The following DMD variants were observed in gnomAD, a reference collection of about 807,000 sequenced individuals.
DMD encodes the protein mutant dystrophin.
Under a neutral mutation model 330.1 loss-of-function variants are expected in DMD, and 63 were observed. The observed-to-expected ratio is 0.19, with a 90% CI of 0.16 to 0.24. The LOEUF (loss-of-function observed/expected upper bound fraction) is 0.24. Among genes scored for constraint, DMD ranks in the 10% least tolerant of loss-of-function variants. The pLI is 1.00. For synonymous variants in DMD, 1,223 were observed against 959.8 expected (o/e 1.27, Z -5.07); for missense variants, 3,344 against 2,684.1 (o/e 1.25, Z -5.43).
chrX:32,780,823 A>C (rs924948598), intron 7 of DMD, among the ~76,000 whole-genome samples: 2 of 110,604 alleles, frequency 1.8e-5, no homozygotes, highest in African/African-American at 6.6e-5. Context: ...CATTTGTTGT[A>C]CATTAAAAAA....
In DMD at chrX:32,613,626, TA is replaced by T. The variant is rs200311441; in HGVS notation, c.1482+676del. On this transcript the variant is annotated intron_variant, in intron 12 of 78. Transcript: ENST00000357033. ...CTATAAATTGAATGTAAAATTACAT[TA>T]AAAAAAATCGTAGCCTTATTATTTA... is the stretch of plus-strand genomic sequence containing the variant. Among the ~76,000 whole-genome samples the T allele has an allele frequency of 1.0e-4, 11 of 110,253 alleles. No homozygotes were observed. In the South Asian group the frequency reaches 1.9e-3, roughly 19 times the overall value.
intron 7 of DMD, among the ~76,000 whole-genome samples, chrX:32,805,766 G>C (rs76575678): frequency 1.8e-5 from 2 of 112,050 alleles, no homozygotes; most frequent in Admixed American, 1.9e-4. Flanking sequence ...AGCCAGAAGA[G>C]AGTAGGGGCC....
In DMD at chrX:31,368,714, C is replaced by T. The variant is rs367856345; in HGVS notation, c.9085-20080G>A. ...AGGCTGGAGTGCAGTGGTGCAATCTCGGCTCAGTGCAGCCTCTGCCTCCCG... is the reference window on the plus strand; with the variant it reads ...AGGCTGGAGTGCAGTGGTGCAATCTTGGCTCAGTGCAGCCTCTGCCTCCCG... On this transcript the variant is annotated intron_variant, in intron 60 of 78. Coordinates refer to ENST00000357033, the MANE Select transcript of DMD (RefSeq NM_004006.3). Among the ~76,000 whole-genome samples the T allele has an allele frequency of 4.5e-3, 493 of 109,728 alleles. 3 individuals are homozygous for T. The highest frequency in any genetic ancestry group is 0.016 in the African/African-American group (476 of 30,157).
At chrX:32,961,875 C>T (rs1046299537) in intron 2 of DMD, among the ~76,000 whole-genome samples, 24 of 111,718 alleles carry the variant, frequency 2.1e-4, no homozygotes, top group African/African-American at 6.8e-4. Flanking sequence ...ATTATACTTG[C>T]GTTAAGTTCT....
At chrX:31,752,747 C>T (rs1257230023) in intron 51 of DMD, among the ~76,000 whole-genome samples, 3 of 111,154 alleles carry the variant, frequency 2.7e-5, no homozygotes, top group Non-Finnish European at 5.7e-5. Context: ...TTCTGGGATG[C>T]AGAAAAACCA....
intron 30 of DMD, among the ~76,000 whole-genome samples, chrX:32,396,967 T>C (rs764626535): frequency 1.1e-4 from 12 of 111,700 alleles, no homozygotes; most frequent in South Asian, 3.7e-4. Flanking sequence ...AATAGAAAAG[T>C]AACTTGTACA....
intron 7 of DMD, among the ~76,000 whole-genome samples, chrX:32,723,144 G>A (rs2066501163): frequency 9.0e-6 from 1 of 111,326 alleles, no homozygotes; most frequent in African/African-American, 3.3e-5. Flanking sequence ...ATAATAAAAG[G>A]ATGTTTAGCT....
At chrX:33,176,473 A>T (rs2049660304) in intron 1 of DMD, among the ~76,000 whole-genome samples, 1 of 111,259 alleles carries the variant, frequency 9.0e-6, no homozygotes. Context: ...ACTAAAAAAT[A>T]AAATGAAATA....
In DMD at chrX:32,636,790, A is replaced by G. The variant is rs374083707; in HGVS notation, c.1331+7342T>C. Among the ~76,000 whole-genome samples, 13 of 110,569 alleles carry G rather than the reference A, an allele frequency of 1.2e-4. No homozygotes were observed. In the East Asian group the frequency reaches 2.6e-3, roughly 22 times the overall value. ...AAGGCAGGTGGATCACGAGGTCAGG[A>G]GGTCGAGACCATCCTGAATAACATG... On this transcript the variant is annotated intron_variant, in intron 11 of 78. Coordinates refer to ENST00000357033, the MANE Select transcript of DMD (RefSeq NM_004006.3).
At chrX:32,648,475 T>C (rs1286832600) in intron 9 of DMD, among the ~76,000 whole-genome samples, 2 of 111,876 alleles carry the variant, frequency 1.8e-5, no homozygotes, top group Non-Finnish European at 3.8e-5. Context: ...AGAAAAATAG[T>C]AGTCTGTGTC....
chrX:31,812,659 T>C (rs1603475555), intron 50 of DMD, among the ~76,000 whole-genome samples: 1 of 111,917 alleles, frequency 8.9e-6, no homozygotes, highest in East Asian at 2.8e-4. Context: ...TCAATTTAAA[T>C]AGAGACTTCA....
At chrX:32,865,285 A>G (rs1254288269) in intron 2 of DMD, among the ~76,000 whole-genome samples, 2 of 111,462 alleles carry the variant, frequency 1.8e-5, no homozygotes, top group African/African-American at 3.3e-5. Context: ...TTAAGCGAAT[A>G]TAATTATAGC....
chrX:32,097,575 G>A (rs2148060005), intron 44 of DMD, among the ~76,000 whole-genome samples: 1 of 110,935 alleles, frequency 9.0e-6, no homozygotes, highest in Admixed American at 9.6e-5. Flanking sequence ...TTGTATAATG[G>A]GACCAGATAT....
At chrX:31,920,218 A>C (rs2094670403) in intron 47 of DMD, among the ~76,000 whole-genome samples, 1 of 112,341 alleles carries the variant, frequency 8.9e-6, no homozygotes, top group African/African-American at 3.2e-5. Flanking sequence ...TATGAGTATA[A>C]AGATTTGACA....
chrX:32,927,786 G>T (rs1257254459), intron 2 of DMD, among the ~76,000 whole-genome samples: 1 of 110,882 alleles, frequency 9.0e-6, no homozygotes, highest in Admixed American at 9.7e-5. Context: ...TAATAGGGAT[G>T]GTAAATCTGA....
chrX:31,864,682 G>A (rs1173913404), intron 48 of DMD, among the ~76,000 whole-genome samples: 1 of 109,359 alleles, frequency 9.1e-6, no homozygotes, highest in East Asian at 2.9e-4. Flanking sequence ...GTAGAGATGG[G>A]GTTTTGCTAT....
intron 62 of DMD, among the ~76,000 whole-genome samples, chrX:31,315,899 TC>T (rs1204546728): frequency 5.4e-5 from 6 of 112,077 alleles, no homozygotes; most frequent in Non-Finnish European, 9.4e-5. Flanking sequence ...CAGTAGTTGA[TC>T]AATTTAAAGC....
intron 2 of DMD, among the ~76,000 whole-genome samples, chrX:32,851,899 G>C (rs12835279): frequency 2.7e-5 from 3 of 112,063 alleles, no homozygotes; most frequent in Non-Finnish European, 5.6e-5. Context: ...TCAGCAGTTA[G>C]AAGCTGAGTT....
chrX:33,260,075 T>C (rs1452636317), intron 1 of DMD, among the ~76,000 whole-genome samples: 2 of 110,913 alleles, frequency 1.8e-5, no homozygotes, highest in Non-Finnish European at 3.8e-5. Context: ...TCTGGGTAAA[T>C]ACCAAGGAGT....
Sources: allele counts gnomAD v4.1 joint callset (sites outside exome capture counted in the v4.1 genomes callset), GRCh38; gene constraint gnomAD v4.1.1; transcripts MANE v1.5; gene names NCBI Gene and HGNC (gene_info 2026-07-23, HGNC 2026-07-21).